CLUAP1: variants seen among roughly 807,000 people sequenced by gnomAD.
CLUAP1 encodes the protein intraflagellar transport 38.
A neutral mutation model predicts 55.0 loss-of-function variants in CLUAP1; 50 were observed. The observed-to-expected ratio is 0.91, with a 90% CI of 0.72 to 1.15. The LOEUF (loss-of-function observed/expected upper bound fraction) is 1.15, where lower values mean the gene tolerates loss of function less well. CLUAP1 is among the 50% of genes most tolerant of loss of function. The pLI, the probability that CLUAP1 is intolerant of heterozygous loss-of-function variation, is 0.00. For synonymous variants in CLUAP1, 195 were observed against 175.4 expected (o/e 1.11, Z -0.88); for missense variants, 530 against 507.6 (o/e 1.04, Z -0.42).
Position 3,532,957 on chromosome 16 carries a change from G to A in CLUAP1, c.1092+116G>A, listed in dbSNP as rs537708666. ...GGAGCCGTCTATGGTCAGCCCGGCCGTGCCTCGATGCGTGGCAGGGTTTGG... is the reference window on the plus strand; with the variant it reads ...GGAGCCGTCTATGGTCAGCCCGGCCATGCCTCGATGCGTGGCAGGGTTTGG... On this transcript the variant is annotated intron_variant, in intron 11 of 11. Transcript: ENST00000576634. The A allele has an allele frequency of 1.2e-5, 17 of 1,377,010 alleles. No homozygotes were observed. The Admixed American group carries it at 2.0e-4, about 16-fold the overall frequency. The allele number at this position is 1,377,010 out of a possible 1,614,324, so 85.3% of individuals were successfully genotyped here. A position where few individuals can be genotyped will look rare whatever the true frequency, so the allele number is the denominator to read the frequency against.
chr16:3,533,719 G>A (rs2151072391), intron 11 of CLUAP1: 1 of 154,986 alleles, frequency 6.5e-6, no homozygotes, highest in African/African-American at 2.4e-5. Flanking sequence ...ACTGACCCCA[G>A]GCTGCCTCCA....
At chr16:3,504,571 T>C in intron 1 of CLUAP1, 149 bp from the exon 2 acceptor site, 2 of 580,112 alleles carry the variant, frequency 3.4e-6, no homozygotes, top group Non-Finnish European at 6.3e-6. Flanking sequence ...TTTTATCTCC[T>C]TTTTGCTTTC....
intron 9 of CLUAP1, among the ~76,000 whole-genome samples, chr16:3,529,822 A>T (rs1253495876): frequency 2.9e-5 from 1 of 34,200 alleles, no homozygotes; most frequent in African/African-American, 1.5e-4. Flanking sequence ...ATTATAATAT[A>T]ATATATTATA....
intron 9 of CLUAP1, among the ~76,000 whole-genome samples, chr16:3,529,375 A>ATGTG (rs60744501): frequency 4.5e-4 from 48 of 107,248 alleles, no homozygotes; most frequent in African/African-American, 1.4e-3. Flanking sequence ...CCAGTTTTGT[A>ATGTG]TGTGTGTGTG....
chr16:3,536,052 G>A, intron 11 of CLUAP1, 70 bp from the exon 12 acceptor site: 2 of 1,562,010 alleles, frequency 1.3e-6, no homozygotes, highest in Non-Finnish European at 1.7e-6. Flanking sequence ...AAGGGAGGCA[G>A]AGAGTCTTAG....
At chr16:3,517,865 C>G (rs2037759260) in intron 6 of CLUAP1, among the ~76,000 whole-genome samples, 1 of 152,158 alleles carries the variant, frequency 6.6e-6, no homozygotes, top group Admixed American at 6.5e-5. Context: ...TGAAAAGGTT[C>G]TGAAAGTCAA....
chr16:3,506,455 A>T, intron 3 of CLUAP1, 40 bp downstream of exon 3: 1 of 1,474,338 alleles, frequency 6.8e-7, no homozygotes, highest in Non-Finnish European at 9.5e-7. Context: ...AAAATTAAAT[A>T]AACTAGAAAG....
rs117981552 is a variant in CLUAP1, at chr16:3,509,255, A to G, written c.399+787A>G. On this transcript the variant is annotated intron_variant, in intron 4 of 11. Coordinates refer to ENST00000576634, the MANE Select transcript of CLUAP1 (RefSeq NM_015041.3). ...CAGAACGAGACCTTGTCTGGGGGGA[A>G]GAAAAAAAATGTGTTTTGTGTGTTT... Among the ~76,000 whole-genome samples, 604 of 152,238 alleles carry G rather than the reference A, an allele frequency of 4.0e-3. 8 individuals carry two copies. In the East Asian group the frequency reaches 0.04, roughly 10 times the overall value.
At position 3,509,339 on chromosome 16, in the gene CLUAP1, G is replaced by T. The variant is rs146287415; in HGVS notation, c.399+871G>T. On this transcript the variant is annotated intron_variant, in intron 4 of 11. Transcript: ENST00000576634. ...GGGATTGACAGACCCTCTGGCGCCT[G>T]GGAAGCCCCTGGAAAGCCTTTGTCT... 2.0e-5 allele frequency among the ~76,000 whole-genome samples: 3 copies of T among 152,338 alleles called. No homozygotes were observed. The East Asian group carries it at 5.8e-4, about 29-fold the overall frequency.
chr16:3,528,390 C>T (rs1310859818), intron 9 of CLUAP1, among the ~76,000 whole-genome samples: 1 of 152,176 alleles, frequency 6.6e-6, no homozygotes, highest in Non-Finnish European at 1.5e-5. Flanking sequence ...CTGTGACTCT[C>T]TCGTCTGAAT....
chr16:3,531,115 G>T (rs9806935), intron 10 of CLUAP1, among the ~76,000 whole-genome samples: 1 of 152,194 alleles, frequency 6.6e-6, no homozygotes, highest in Admixed American at 6.5e-5. Context: ...AGCTACTCAG[G>T]AGGCTGAGGC....
chr16:3,537,998 C>CAAAAAAAAAAAAAAAAAAA lies in CLUAP1; in HGVS notation c.*1731_*1749dup, dbSNP rs34360832. 2.7e-5 allele frequency: 1 copy of CAAAAAAAAAAAAAAAAAAA among 36,712 alleles called. No homozygotes were observed. Among genetic ancestry groups the CAAAAAAAAAAAAAAAAAAA allele is most frequent in the African/African-American group, 1.0e-4 (1 of 9,698 alleles). The allele number at this position is 36,712 out of a possible 1,614,324, so 2.3% of individuals were successfully genotyped here. Reference sequence around the variant, plus strand: ...TGGGCAGCAGAGTGAGACTCCATCTCAAAAAAAAAAAAAAAAAAAAAAGCA... The same window carrying CAAAAAAAAAAAAAAAAAAA: ...TGGGCAGCAGAGTGAGACTCCATCTCAAAAAAAAAAAAAAAAAAAAAAAAAAAAAAAAAAAAAAAAAGCA... On this transcript the variant is annotated 3_prime_UTR_variant, in exon 12 of 12. Coordinates refer to ENST00000576634, the MANE Select transcript of CLUAP1 (RefSeq NM_015041.3).
chr16:3,505,777 T>C (rs2037495333), intron 2 of CLUAP1, among the ~76,000 whole-genome samples: 2 of 152,226 alleles, frequency 1.3e-5, no homozygotes, highest in South Asian at 2.1e-4. Context: ...GAATATGTTA[T>C]ATGATTCAGG....
chr16:3,500,260 G>T (rs559072194), upstream of CLUAP1, among the ~76,000 whole-genome samples: 3 of 152,338 alleles, frequency 2.0e-5, no homozygotes, highest in Admixed American at 6.5e-5. Flanking sequence ...GGCCTGGCCT[G>T]CCTCTGGGCG....
At chr16:3,502,878 G>A (rs1157134478) in intron 1 of CLUAP1, among the ~76,000 whole-genome samples, 2 of 152,212 alleles carry the variant, frequency 1.3e-5, no homozygotes. Context: ...TCAAATTAGT[G>A]TCTATTTTGA....
chr16:3,508,530 G>A (rs1379017909), intron 4 of CLUAP1, 62 bp downstream of exon 4: 1 of 1,417,546 alleles, frequency 7.1e-7, no homozygotes, highest in Non-Finnish European at 9.4e-7. Flanking sequence ...CTCTGAAGTG[G>A]AAGGAGTCTG....
At chr16:3,496,338 A>T (rs2037309349), upstream of CLUAP1, 3 of 1,136,042 alleles carry the variant, frequency 2.6e-6, no homozygotes, top group Non-Finnish European at 3.8e-6. Flanking sequence ...ACATTCAACC[A>T]GGTTGTGCTG....
chr16:3,519,045 T>C (rs952574124), intron 6 of CLUAP1, among the ~76,000 whole-genome samples: 2 of 152,234 alleles, frequency 1.3e-5, no homozygotes, highest in African/African-American at 4.8e-5. Context: ...GCAGTCCAGA[T>C]TCCTCATAAA....
At position 3,532,789 on chromosome 16, in the gene CLUAP1, G is replaced by A. The variant is rs767522245; in HGVS notation, c.1040G>A (p.Arg347Lys). Reference protein sequence around the residue: ...QTAMEMLMQGRPGKRIVGTMQ... With the variant: ...QTAMEMLMQGKPGKRIVGTMQ... ...TTCATGCTTTTGTTGTTCTCAGGAA[G>A]ACCTGGCAAACGCATTGTGGGCACG... Residue 347 changes from arginine (R) to lysine (K), a missense_variant, in exon 11 of 12, where the codon AGA (arginine) becomes AAA (lysine). By Grantham distance (26) the Arg-to-Lys change is conservative (BLOSUM62 2). Coordinates refer to ENST00000576634, the MANE Select transcript of CLUAP1 (RefSeq NM_015041.3). 6.2e-7 allele frequency: 1 copy of A among 1,613,992 alleles called. No homozygotes were observed. The highest frequency in any genetic ancestry group is 1.1e-5 in the South Asian group (1 of 91,066).
Sources: allele counts gnomAD v4.1 joint callset (sites outside exome capture counted in the v4.1 genomes callset), GRCh38; gene constraint gnomAD v4.1.1; transcripts MANE v1.5; gene names NCBI Gene and HGNC (gene_info 2026-07-23, HGNC 2026-07-21).